The following CAMTA1 variants were observed in gnomAD, a reference collection of about 807,000 sequenced individuals.
CAMTA1 encodes the protein calmodulin binding transcription activator 1.
CAMTA1 carries 27 observed loss-of-function variants against 170.9 expected under a neutral mutation model. That is an observed-to-expected ratio of 0.16 (90% CI 0.12 to 0.22). The LOEUF is 0.22. CAMTA1 is among the 10% of genes least tolerant of loss of function. CAMTA1 has a pLI of 1.00. For missense variants in CAMTA1, 1,619 were observed against 2,217.2 expected, an observed-to-expected ratio of 0.73 and a Z score of 5.42; for synonymous variants, 833 against 891.5, an observed-to-expected ratio of 0.93 and a Z score of 1.17.
intron 3 of CAMTA1, among the ~76,000 whole-genome samples, chr1:6,909,002 T>C (rs1175829078): frequency 6.6e-6 from 1 of 152,240 alleles, no homozygotes; most frequent in Non-Finnish European, 1.5e-5. Flanking sequence ...CATGGCGAAG[T>C]ACAATAATAA....
chr1:7,207,867 G>A (rs1298800023), intron 4 of CAMTA1, among the ~76,000 whole-genome samples: 1 of 152,158 alleles, frequency 6.6e-6, no homozygotes, highest in Non-Finnish European at 1.5e-5. Flanking sequence ...AAAGCTAAGT[G>A]CCCACTCACC....
intron 5 of CAMTA1, among the ~76,000 whole-genome samples, chr1:7,373,843 A>G (rs1220859098): frequency 6.6e-6 from 1 of 152,184 alleles, no homozygotes; most frequent in African/African-American, 2.4e-5. Flanking sequence ...AAAAGGCAGC[A>G]TTTTCAGCAG....
At chr1:7,239,984 C>A (rs1364606666) in intron 4 of CAMTA1, among the ~76,000 whole-genome samples, 1 of 152,110 alleles carries the variant, frequency 6.6e-6, no homozygotes, top group African/African-American at 2.4e-5. Context: ...CCATTCATGA[C>A]CTAATCACCT....
intron 3 of CAMTA1, among the ~76,000 whole-genome samples, chr1:6,920,887 G>A (rs1026026116): frequency 5.9e-5 from 9 of 152,180 alleles, no homozygotes; most frequent in East Asian, 1.9e-4. Flanking sequence ...CCCAGCCCAC[G>A]AAACCATTTT....
intron 4 of CAMTA1, among the ~76,000 whole-genome samples, chr1:7,111,683 A>G (rs1175938510): frequency 6.6e-6 from 1 of 152,192 alleles, no homozygotes; most frequent in African/African-American, 2.4e-5. Context: ...CAGGAGATCA[A>G]GACCATCCTG....
chr1:7,480,259 G>GTGAGTGTA (rs1302237179), intron 6 of CAMTA1, among the ~76,000 whole-genome samples: 1 of 135,368 alleles, frequency 7.4e-6, no homozygotes, highest in Non-Finnish European at 1.6e-5. Context: ...GTGCATGTGT[G>GTGAGTGTA]TATGTGTGTG....
chr1:7,200,520 TAATCTGGA>T (rs1656466825), intron 4 of CAMTA1, among the ~76,000 whole-genome samples: 1 of 152,234 alleles, frequency 6.6e-6, no homozygotes, highest in Non-Finnish European at 1.5e-5. Flanking sequence ...TCCAGTTTCT[TAATCTGGA>T]AGAGTTCTGC....
At chr1:7,318,119 C>T (rs564723347) in intron 5 of CAMTA1, among the ~76,000 whole-genome samples, 2 of 152,308 alleles carry the variant, frequency 1.3e-5, no homozygotes, top group South Asian at 2.1e-4. Flanking sequence ...AGTGCAGAAG[C>T]AGGGAGGCCC....
chr1:6,958,933 C>T (rs1174920057), intron 3 of CAMTA1, among the ~76,000 whole-genome samples: 1 of 152,060 alleles, frequency 6.6e-6, no homozygotes, highest in Non-Finnish European at 1.5e-5. Flanking sequence ...TGAGAAGCCA[C>T]CTGCAGTTCA....
Position 7,426,763 on chromosome 1 carries a change from G to A in CAMTA1, c.439-41067G>A, listed in dbSNP as rs945201753. Among the ~76,000 whole-genome samples the A allele has an allele frequency of 6.6e-6, 1 of 152,142 alleles. No homozygotes were observed. Among genetic ancestry groups the A allele is most frequent in the African/African-American group, 2.4e-5 (1 of 41,436 alleles). ...GGGAGTTCCGAATGAGATCATTTTT[G>A]TGCCTGGTTGCAGCATATTAGCTTG... On this transcript the variant is annotated intron_variant, in intron 5 of 22. Coordinates refer to ENST00000303635, the MANE Select transcript of CAMTA1 (RefSeq NM_015215.4). This position sits in a 1 kb window ranked among gnomAD's most constrained non-coding sequence, Gnocchi z 4.8.
At chr1:7,690,926 C>T (rs1042884704) in intron 11 of CAMTA1, among the ~76,000 whole-genome samples, 1 of 152,254 alleles carries the variant, frequency 6.6e-6, no homozygotes, top group East Asian at 1.9e-4. Flanking sequence ...GTCCTTGCTT[C>T]CCGGTTATTC....
At chr1:7,208,704 G>A (rs1384259539) in intron 4 of CAMTA1, among the ~76,000 whole-genome samples, 4 of 152,238 alleles carry the variant, frequency 2.6e-5, no homozygotes, top group Non-Finnish European at 5.9e-5. Flanking sequence ...GAGCCTTGAA[G>A]AGTGGGAAGG....
chr1:7,438,467 T>C (rs1460506523), intron 5 of CAMTA1, among the ~76,000 whole-genome samples: 1 of 152,156 alleles, frequency 6.6e-6, no homozygotes, highest in African/African-American at 2.4e-5. Flanking sequence ...CTGGAGAGAC[T>C]GGGATCCCCC....
intron 6 of CAMTA1, among the ~76,000 whole-genome samples, chr1:7,518,229 A>T (rs1170283641): frequency 6.6e-6 from 1 of 151,888 alleles, no homozygotes; most frequent in Non-Finnish European, 1.5e-5. Context: ...ACCTGGTAAA[A>T]CGAAGCTGGC....
intron 6 of CAMTA1, among the ~76,000 whole-genome samples, chr1:7,603,809 A>G (rs909414466): frequency 6.6e-6 from 1 of 152,176 alleles, no homozygotes; most frequent in Non-Finnish European, 1.5e-5. Flanking sequence ...ATGTTTTTGC[A>G]GTGGCTGGTA....
chr1:7,530,539 G>A (rs760306776), intron 6 of CAMTA1, among the ~76,000 whole-genome samples: 10 of 152,060 alleles, frequency 6.6e-5, no homozygotes, highest in Non-Finnish European at 1.2e-4. Context: ...AGTCCCGGGG[G>A]TGGGTTATAG....
intron 6 of CAMTA1, among the ~76,000 whole-genome samples, chr1:7,492,010 G>C (rs569402916): frequency 1.3e-4 from 20 of 152,262 alleles, no homozygotes; most frequent in Admixed American, 5.2e-4. Flanking sequence ...TGCTTGGTTA[G>C]AGCTTCTAAA....
Position 7,408,303 on chromosome 1 carries a change from C to T in CAMTA1, c.439-59527C>T, listed in dbSNP as rs186366065. On this transcript the variant is annotated intron_variant, in intron 5 of 22. Transcript: ENST00000303635. ...TTTGCATCTTTGTGCTCAGCAAGGA[C>T]TTGGCACAGAACAGCTGCTCCGCGT... Among the ~76,000 whole-genome samples the T allele has an allele frequency of 1.7e-3, 252 of 152,368 alleles. 1 individual carries two copies. The highest frequency in any genetic ancestry group is 2.6e-3 in the Non-Finnish European group (180 of 68,036).
rs1019002353 is a variant in CAMTA1, at chr1:7,117,239, G to A, written c.302+25868G>A. 3.9e-5 allele frequency among the ~76,000 whole-genome samples: 6 copies of A among 152,126 alleles called. No individual in the cohort carries two copies. The South Asian group carries it at 6.2e-4, about 16-fold the overall frequency. ...GCCCGCCTCAGCCTCCCAAAGTGCC[G>A]GGATTACAGGTGTGAGCCACCACAC... On this transcript the variant is annotated intron_variant, in intron 4 of 22. Coordinates refer to ENST00000303635, the MANE Select transcript of CAMTA1 (RefSeq NM_015215.4).
Sources: allele counts gnomAD v4.1 joint callset (sites outside exome capture counted in the v4.1 genomes callset), GRCh38; gene constraint gnomAD v4.1.1; non-coding constraint Gnocchi (gnomAD v3.1); transcripts MANE v1.5; gene names NCBI Gene and HGNC (gene_info 2026-07-23, HGNC 2026-07-21).